The following KCNQ3 variants were observed in gnomAD, a reference collection of about 807,000 sequenced individuals.
KCNQ3 encodes the protein potassium voltage-gated channel subfamily Q member 3.
In KCNQ3, 30 loss-of-function variants were observed where a neutral mutation model predicts 92.5. The observed-to-expected ratio is 0.32, with a 90% confidence interval of 0.24 to 0.44. The LOEUF is 0.44. Among genes scored for constraint, KCNQ3 ranks in the 20% least tolerant of loss-of-function variants. The pLI, the probability that KCNQ3 is intolerant of heterozygous loss-of-function variation, is 1.00. For synonymous variants in KCNQ3, 450 were observed against 468.8 expected (o/e 0.96, Z 0.52); for missense variants, 913 against 1,140.3 (o/e 0.80, Z 2.87).
chr8:132,252,667 G>T (rs1272967370), intron 1 of KCNQ3, among the ~76,000 whole-genome samples: 3 of 152,148 alleles, frequency 2.0e-5, no homozygotes, highest in Non-Finnish European at 1.5e-5. Context: ...ACAGAGTGCT[G>T]ATTGGCCCAT....
intron 13 of KCNQ3, among the ~76,000 whole-genome samples, chr8:132,133,382 A>AAAATT (rs1824950888): frequency 1.1e-5 from 1 of 89,524 alleles, no homozygotes; most frequent in Non-Finnish European, 2.1e-5. Flanking sequence ...TTTGAGATGG[A>AAAATT]GTCTCACTCT....
rs574306580 is a variant in KCNQ3 at position 132,122,175 on chromosome 8, C to A, written c.*7087G>T. Reference sequence around the variant, plus strand: ...CAGCTCTACTTCTTACAATGTGTGACCTTTGACAAGGTCTTGTCTTCAGTT... The same window carrying A: ...CAGCTCTACTTCTTACAATGTGTGAACTTTGACAAGGTCTTGTCTTCAGTT... On this transcript the variant is annotated 3_prime_UTR_variant, in exon 15 of 15. Transcript: ENST00000388996. 5 of 152,174 alleles carry A rather than the reference C, an allele frequency of 3.3e-5. No individual in the cohort carries two copies. Among genetic ancestry groups the A allele is most frequent in the Non-Finnish European group, 5.9e-5 (4 of 68,024 alleles). 9.4% of individuals were successfully genotyped at this position (152,174 alleles called of 1,614,324 possible). A position where few individuals can be genotyped will look rare whatever the true frequency, so the allele number is the denominator to read the frequency against.
At chr8:132,181,885 A>T (rs1406389239) in intron 3 of KCNQ3, among the ~76,000 whole-genome samples, 4 of 150,906 alleles carry the variant, frequency 2.7e-5, no homozygotes, top group Non-Finnish European at 5.9e-5. Flanking sequence ...TACTAAAAAT[A>T]CAAAAAAAAA....
chr8:132,298,845 T>C (rs111703807), intron 1 of KCNQ3, among the ~76,000 whole-genome samples: 3 of 152,028 alleles, frequency 2.0e-5, no homozygotes, highest in African/African-American at 7.2e-5. Flanking sequence ...GAGGTGGAGG[T>C]TGCAGTGAGC....
chr8:132,170,362 C>T lies in KCNQ3; in HGVS notation c.1207G>A (p.Glu403Lys), dbSNP rs142445773. The change falls in exon 8 of 15, where the codon GAA becomes AAA. Residue 403 changes from glutamate (E) to lysine (K), a missense_variant. Physicochemically the swap from Glu to Lys is moderately conservative, Grantham distance 56. This residue lies in a region of KCNQ3 where 52 missense variants were observed against 127.7 expected (regional missense o/e 0.41). Coordinates refer to ENST00000388996, the MANE Select transcript of KCNQ3 (RefSeq NM_004519.4). ...IDLVATWRFY[E>K]SVVSFPFFRK... ...AAGAAAGGAAAAGAGACGACTGATT[C>T]ATAAAATCTCCATGTCGCCACCAGG... 1 of 1,613,784 alleles carries T rather than the reference C, an allele frequency of 6.2e-7. No individual in the cohort carries two copies. The highest frequency in any genetic ancestry group is 8.5e-7 in the Non-Finnish European group (1 of 1,179,946).
In KCNQ3 at chr8:132,438,452, C is replaced by G. The variant is rs902744003; in HGVS notation, c.386+41695G>C. ...ACTCCACTGGGCCCTCTATTATTTT[C>G]CTGAGGAAGAGTTCTGCCTGATTTC... On this transcript the variant is annotated intron_variant, in intron 1 of 14. Coordinates refer to ENST00000388996, the MANE Select transcript of KCNQ3 (RefSeq NM_004519.4). Among the ~76,000 whole-genome samples the G allele has an allele frequency of 2.6e-5, 4 of 152,232 alleles. No individual in the cohort carries two copies. In the East Asian group the frequency reaches 7.8e-4, roughly 30 times the overall value.
chr8:132,129,469 T>C lies in KCNQ3; in HGVS notation c.2412A>G (p.Pro804=). 1 of 1,614,186 alleles carries C rather than the reference T, an allele frequency of 6.2e-7. No individual in the cohort carries two copies. The highest frequency in any genetic ancestry group is 1.7e-5 in the Admixed American group (1 of 60,030). The change falls in exon 15 of 15, where the codon CCA becomes CCG. Residue 804 remains proline (P), a synonymous_variant. Coordinates refer to ENST00000388996, the MANE Select transcript of KCNQ3 (RefSeq NM_004519.4). This position sits in a 1 kb window ranked among gnomAD's most constrained non-coding sequence, Gnocchi z 5.9. ...SVNHEELERS[P]SGFSISQDRD... ...TGTCCTGGGAGATGCTGAAGCCACT[T>C]GGAGACCTCTCCAGCTCCTCGTGGT...
chr8:132,336,919 T>C (rs1375344248), intron 1 of KCNQ3, among the ~76,000 whole-genome samples: 1 of 152,174 alleles, frequency 6.6e-6, no homozygotes, highest in Non-Finnish European at 1.5e-5. Flanking sequence ...TCTACAGGAA[T>C]CTAGAATCCA....
At chr8:132,461,411 A>G (rs1029484399) in intron 1 of KCNQ3, among the ~76,000 whole-genome samples, 1 of 152,142 alleles carries the variant, frequency 6.6e-6, no homozygotes, top group Admixed American at 6.5e-5. Flanking sequence ...TAAAAAATAC[A>G]AAAACTAGCC....
chr8:132,478,799 G>T (rs1822471212), intron 1 of KCNQ3, among the ~76,000 whole-genome samples: 1 of 152,102 alleles, frequency 6.6e-6, no homozygotes, highest in South Asian at 2.1e-4. Flanking sequence ...TAAGTCTGAG[G>T]TCCTGTGTGG....
intron 1 of KCNQ3, among the ~76,000 whole-genome samples, chr8:132,446,529 G>A (rs1158436775): frequency 1.3e-5 from 2 of 152,162 alleles, no homozygotes; most frequent in Non-Finnish European, 2.9e-5. Context: ...AGACTGGGAA[G>A]ACCTCTTCCA....
chr8:132,252,505 A>T (rs1815447168), intron 1 of KCNQ3, among the ~76,000 whole-genome samples: 1 of 152,206 alleles, frequency 6.6e-6, no homozygotes, highest in Non-Finnish European at 1.5e-5. Flanking sequence ...GGACCCAAAG[A>T]GTGAGCAGCA....
intron 1 of KCNQ3, among the ~76,000 whole-genome samples, chr8:132,460,264 C>T (rs72721101): frequency 0.094 from 14,268 of 152,014 alleles, 683 homozygotes; most frequent in African/African-American, 0.13. Flanking sequence ...GAGCTGACAG[C>T]GCAAGGATAT....
Position 132,315,489 on chromosome 8 carries a change from C to G in KCNQ3, c.387-129308G>C, listed in dbSNP as rs769580873. ...AAGGAGCTGAGCTATGACCTTGGCTCGGGGAAGGGAGGAGTGTAAAAGCTC... is the reference window on the plus strand; with the variant it reads ...AAGGAGCTGAGCTATGACCTTGGCTGGGGGAAGGGAGGAGTGTAAAAGCTC... On this transcript the variant is annotated intron_variant, in intron 1 of 14. Transcript: ENST00000388996. Among the ~76,000 whole-genome samples the G allele has an allele frequency of 2.0e-5, 3 of 151,918 alleles. No individual in the cohort carries two copies. The South Asian group carries it at 6.3e-4, about 32-fold the overall frequency.
At chr8:132,387,722 T>G (rs1475723996) in intron 1 of KCNQ3, among the ~76,000 whole-genome samples, 1 of 152,118 alleles carries the variant, frequency 6.6e-6, no homozygotes, top group Admixed American at 6.5e-5. Context: ...AGAAATAGGC[T>G]GGGCCCAGTG....
At chr8:132,420,378 C>T (rs1820934709) in intron 1 of KCNQ3, among the ~76,000 whole-genome samples, 1 of 152,164 alleles carries the variant, frequency 6.6e-6, no homozygotes, top group South Asian at 2.1e-4. Context: ...GAAAACATCA[C>T]TGCAGTGTCA....
At chr8:132,367,293 T>C (rs1450560075) in intron 1 of KCNQ3, among the ~76,000 whole-genome samples, 2 of 152,244 alleles carry the variant, frequency 1.3e-5, no homozygotes, top group Admixed American at 6.5e-5. Flanking sequence ...AGACCTTCCT[T>C]TTGTTTATCC....
At chr8:132,394,840 C>T (rs541873527) in intron 1 of KCNQ3, among the ~76,000 whole-genome samples, 102 of 152,286 alleles carry the variant, frequency 6.7e-4, no homozygotes, top group African/African-American at 2.2e-3. Context: ...CCAGTGAGTG[C>T]GCCTTGGCCA....
chr8:132,474,550 G>A (rs1267530922), intron 1 of KCNQ3, among the ~76,000 whole-genome samples: 1 of 152,120 alleles, frequency 6.6e-6, no homozygotes, highest in African/African-American at 2.4e-5. Flanking sequence ...TATAATTAAA[G>A]TCCTGTAATG....
Sources: allele counts gnomAD v4.1 joint callset (sites outside exome capture counted in the v4.1 genomes callset), GRCh38; gene constraint gnomAD v4.1.1; regional missense constraint gnomAD v4.1.1; non-coding constraint Gnocchi (gnomAD v3.1); transcripts MANE v1.5; gene names NCBI Gene and HGNC (gene_info 2026-07-23, HGNC 2026-07-21).